The following JAK2 variants were observed in gnomAD, a reference collection of about 807,000 sequenced individuals.
JAK2 encodes the protein tyrosine-protein kinase JAK2.
A neutral mutation model predicts 139.3 loss-of-function variants in JAK2; 86 were observed. The observed-to-expected ratio is 0.62, with a 90% CI of 0.52 to 0.74. The LOEUF is 0.74. JAK2 is among the 30% of genes least tolerant of loss of function. JAK2 has a pLI of 0.00. For synonymous variants in JAK2, 490 were observed against 437.7 expected (o/e 1.12, Z -1.49); for missense variants, 1,421 against 1,360.3 (o/e 1.04, Z -0.70).
At chr9:5,068,006 A>G (rs1473296077) in intron 10 of JAK2, among the ~76,000 whole-genome samples, 1 of 152,074 alleles carries the variant, frequency 6.6e-6, no homozygotes, top group Non-Finnish European at 1.5e-5. Context: ...CCAAAATTAC[A>G]AAAATTAGCT....
intron 4 of JAK2, among the ~76,000 whole-genome samples, chr9:5,034,365 T>A (rs1477693582): frequency 6.6e-6 from 1 of 152,122 alleles, no homozygotes; most frequent in East Asian, 1.9e-4. Flanking sequence ...ATCCAGGAAT[T>A]GAATTCAGCT....
At chr9:5,091,032 G>T in intron 22 of JAK2, 121 bp downstream of exon 22, 2 of 760,320 alleles carry the variant, frequency 2.6e-6, no homozygotes, top group Non-Finnish European at 2.0e-6. Flanking sequence ...AGTCTTTTAA[G>T]TCTTACATTT....
chr9:5,040,554 G>A (rs1244763902), intron 4 of JAK2, among the ~76,000 whole-genome samples: 3 of 152,216 alleles, frequency 2.0e-5, no homozygotes, highest in Non-Finnish European at 4.4e-5. Context: ...GCAAATGTTT[G>A]GGAATCATAT....
intron 2 of JAK2, among the ~76,000 whole-genome samples, chr9:5,020,737 T>G (rs1822364601): frequency 6.6e-6 from 1 of 152,116 alleles, no homozygotes; most frequent in South Asian, 2.1e-4. Context: ...GCCCTTCTGC[T>G]GGGAGCAGTG....
rs2130560941 is a variant in JAK2, at chr9:5,074,275, A to T, written c.1864+490A>T. ...AGTATAAATCGTACCCCATGCTTTA[A>T]TACTATACAGGCATGCCTCATTTTA... On this transcript the variant is annotated intron_variant, in intron 14 of 24. Transcript: ENST00000381652. Among the ~76,000 whole-genome samples, 3 of 152,232 alleles carry T rather than the reference A, an allele frequency of 2.0e-5. No homozygotes were observed. The Middle Eastern group carries it at 0.01, about 518-fold the overall frequency.
chr9:5,106,592 C>T (rs938616425), intron 22 of JAK2, among the ~76,000 whole-genome samples: 4 of 152,222 alleles, frequency 2.6e-5, no homozygotes, highest in Non-Finnish European at 5.9e-5. Context: ...TATAAAGACA[C>T]ATGCCCATGT....
At chr9:5,061,273 G>A (rs901232775) in intron 8 of JAK2, among the ~76,000 whole-genome samples, 2 of 151,964 alleles carry the variant, frequency 1.3e-5, no homozygotes, top group East Asian at 1.9e-4. Context: ...ATCCTTTGAA[G>A]TTTGAAGGCA....
intron 24 of JAK2, 109 bp downstream of exon 24, chr9:5,126,555 G>A: frequency 2.1e-6 from 2 of 937,952 alleles, no homozygotes; most frequent in Non-Finnish European, 3.3e-6. Flanking sequence ...CAGATAAACA[G>A]CATAATCAGA....
intron 2 of JAK2, among the ~76,000 whole-genome samples, chr9:5,005,561 C>G (rs1821243981): frequency 6.6e-6 from 1 of 152,012 alleles, no homozygotes; most frequent in Admixed American, 6.6e-5. Flanking sequence ...ATTTAATTTG[C>G]TAGTATTTTG....
At chr9:5,021,832 C>T (rs1822451771) in intron 2 of JAK2, 131 bp from the exon 3 acceptor site, 1 of 596,154 alleles carries the variant, frequency 1.7e-6, no homozygotes, top group South Asian at 2.1e-5. Flanking sequence ...GAGGTTTCAC[C>T]ATGTTGCTGA....
intron 22 of JAK2, among the ~76,000 whole-genome samples, chr9:5,092,838 T>C (rs1328858663): frequency 6.6e-6 from 1 of 152,160 alleles, no homozygotes; most frequent in Non-Finnish European, 1.5e-5. Context: ...AGTTCAGCTT[T>C]AAACTTACCC....
At position 5,064,604 on chromosome 9, in the gene JAK2, C is replaced by A. The variant is rs370674651; in HGVS notation, c.1057-279C>A. Among the ~76,000 whole-genome samples, 15 of 151,746 alleles carry A rather than the reference C, an allele frequency of 9.9e-5. No individual in the cohort carries two copies. The South Asian group carries it at 3.1e-3, about 32-fold the overall frequency. ...TATATCATATTAAATAGATTTCTAG[C>A]TGAGATAACTGGTATATTAGTCTAA... On this transcript the variant is annotated intron_variant, in intron 8 of 24. Transcript: ENST00000381652.
intron 2 of JAK2, among the ~76,000 whole-genome samples, chr9:5,004,275 T>G (rs141738093): frequency 4.3e-4 from 65 of 152,284 alleles, no homozygotes; most frequent in African/African-American, 1.4e-3. Context: ...GACCAACGTC[T>G]CCCATTCCTC....
At chr9:5,008,705 G>A (rs536168259) in intron 2 of JAK2, among the ~76,000 whole-genome samples, 224 of 152,102 alleles carry the variant, frequency 1.5e-3, no homozygotes, top group Non-Finnish European at 2.4e-3. Flanking sequence ...GATTTGTATC[G>A]GTACAGTTTT....
At chr9:5,114,398 C>T in intron 22 of JAK2, 1 of 513,134 alleles carries the variant, frequency 1.9e-6, no homozygotes, top group South Asian at 1.7e-5. Flanking sequence ...TGCTGGTGGG[C>T]ACCAGAGACT....
intron 9 of JAK2, among the ~76,000 whole-genome samples, chr9:5,065,582 G>T (rs1401589764): frequency 6.6e-6 from 1 of 152,094 alleles, no homozygotes; most frequent in Non-Finnish European, 1.5e-5. Flanking sequence ...ATGCAACCGA[G>T]GAACTGAATT....
intron 22 of JAK2, among the ~76,000 whole-genome samples, chr9:5,096,367 C>G (rs1820984813): frequency 6.6e-6 from 1 of 152,168 alleles, no homozygotes; most frequent in Non-Finnish European, 1.5e-5. Flanking sequence ...TATTCTGCAT[C>G]AGTTGAACGC....
intron 4 of JAK2, among the ~76,000 whole-genome samples, chr9:5,040,422 G>C (rs545291726): frequency 2.0e-4 from 30 of 152,236 alleles, no homozygotes; most frequent in Non-Finnish European, 3.2e-4. Context: ...GACACCAAAA[G>C]CTCAAGTGAC....
At chr9:5,094,731 G>A (rs1489653756) in intron 22 of JAK2, 2 of 152,018 alleles carry the variant, frequency 1.3e-5, no homozygotes, top group African/African-American at 4.8e-5. Flanking sequence ...AAGTTCATTT[G>A]CCCTCTTCTT....
Sources: allele counts gnomAD v4.1 joint callset (sites outside exome capture counted in the v4.1 genomes callset), GRCh38; gene constraint gnomAD v4.1.1; transcripts MANE v1.5; gene names NCBI Gene and HGNC (gene_info 2026-07-23, HGNC 2026-07-21).